CNTN5: variants seen among roughly 807,000 people sequenced by gnomAD.
CNTN5 encodes contactin-5.
A neutral mutation model predicts 129.1 loss-of-function variants in CNTN5; 77 were observed. The observed-to-expected ratio is 0.60, with a 90% CI of 0.50 to 0.72. The LOEUF (loss-of-function observed/expected upper bound fraction) is 0.72, where lower values mean the gene tolerates loss of function less well. Ranked by LOEUF, CNTN5 falls within the 30% of genes least tolerant of loss-of-function variation. The pLI, the probability that CNTN5 is intolerant of heterozygous loss-of-function variation, is 0.00. For missense variants in CNTN5, 1,478 were observed against 1,328.8 expected (o/e 1.11, Z -1.75); for synonymous variants, 509 against 465.6 (o/e 1.09, Z -1.20).
chr11:100,215,297 C>T (rs1166604640), intron 15 of CNTN5, among the ~76,000 whole-genome samples: 1 of 152,140 alleles, frequency 6.6e-6, no homozygotes, highest in Admixed American at 6.6e-5. Context: ...CTCACTTTTT[C>T]CACATGATAT....
At chr11:99,025,203 A>C (rs10892656) in intron 1 of CNTN5, among the ~76,000 whole-genome samples, 28,909 of 151,872 alleles carry the variant, frequency 0.19, 3,022 homozygotes, top group East Asian at 0.33. Context: ...AAAAGCAAGA[A>C]GCCAATACAT....
intron 1 of CNTN5, among the ~76,000 whole-genome samples, chr11:99,097,402 G>A (rs1232413160): frequency 2.0e-5 from 3 of 151,756 alleles, no homozygotes; most frequent in African/African-American, 7.3e-5. Flanking sequence ...TTTCTCTAGG[G>A]CAGAATATAT....
At chr11:99,977,396 G>T (rs990202892) in intron 8 of CNTN5, among the ~76,000 whole-genome samples, 9 of 152,166 alleles carry the variant, frequency 5.9e-5, no homozygotes, top group Non-Finnish European at 1.2e-4. Flanking sequence ...TGTCTTTACA[G>T]CAATATCTTA....
At chr11:99,449,759 G>A (rs2135185833) in intron 2 of CNTN5, among the ~76,000 whole-genome samples, 2 of 152,212 alleles carry the variant, frequency 1.3e-5, no homozygotes, top group Middle Eastern at 6.8e-3. Flanking sequence ...CTCTTGTGGT[G>A]GCAGCAAAAT....
At chr11:99,600,935 A>G (rs1462424758) in intron 3 of CNTN5, among the ~76,000 whole-genome samples, 1 of 152,190 alleles carries the variant, frequency 6.6e-6, no homozygotes, top group Non-Finnish European at 1.5e-5. Flanking sequence ...CTGAACTTCT[A>G]CTGTATCAAG....
At chr11:99,646,611 G>A (rs1433970120) in intron 3 of CNTN5, among the ~76,000 whole-genome samples, 1 of 152,100 alleles carries the variant, frequency 6.6e-6, no homozygotes, top group Non-Finnish European at 1.5e-5. Context: ...TATGTCCTTA[G>A]AAGGTGTGTC....
chr11:99,892,385 T>C (rs187290171), intron 6 of CNTN5, among the ~76,000 whole-genome samples: 1 of 152,164 alleles, frequency 6.6e-6, no homozygotes, highest in Non-Finnish European at 1.5e-5. Flanking sequence ...GGTGTTTTAG[T>C]CATGAAGTCT....
chr11:99,593,976 G>T (rs186658904), intron 3 of CNTN5, among the ~76,000 whole-genome samples: 2 of 152,290 alleles, frequency 1.3e-5, no homozygotes, highest in East Asian at 1.9e-4. Context: ...TATATACAGA[G>T]ATTGTGGTGT....
intron 13 of CNTN5, among the ~76,000 whole-genome samples, chr11:100,146,719 C>A (rs539769198): frequency 6.6e-6 from 1 of 152,200 alleles, no homozygotes; most frequent in South Asian, 2.1e-4. Context: ...GCATTTTATA[C>A]ACAAGATAAA....
intron 21 of CNTN5, chr11:100,308,780 T>C: frequency 2.1e-5 from 21 of 1,005,204 alleles, no homozygotes; most frequent in Non-Finnish European, 2.5e-5. Context: ...TTTAAAAGTT[T>C]TTGTGTCTTC....
At chr11:99,386,739 C>T (rs536430912) in intron 2 of CNTN5, among the ~76,000 whole-genome samples, 1 of 152,230 alleles carries the variant, frequency 6.6e-6, no homozygotes, top group African/African-American at 2.4e-5. Flanking sequence ...CTGGTTCACA[C>T]ACCTCTGACA....
chr11:99,746,140 A>T (rs969897401), intron 3 of CNTN5, among the ~76,000 whole-genome samples: 6 of 152,354 alleles, frequency 3.9e-5, no homozygotes, highest in African/African-American at 1.4e-4. Context: ...ATACTAAAAA[A>T]ATCCTTGCCC....
rs3220443 is a variant in CNTN5 at position 100,342,152 on chromosome 11, G to GACACACACACACACACAC, written c.3030+961_3030+978dup. On this transcript the variant is annotated intron_variant, in intron 23 of 24. Transcript: ENST00000524871. Reference sequence around the variant, plus strand: ...CCTACTGTAATTAGGATAGATCACAGACACACACACACACACACACACACA... The same window carrying GACACACACACACACACAC: ...CCTACTGTAATTAGGATAGATCACAGACACACACACACACACACACACACACACACACACACACACACA... Among the ~76,000 whole-genome samples the GACACACACACACACACAC allele has an allele frequency of 6.3e-3, 925 of 146,978 alleles. 9 individuals carry two copies. The highest frequency in any genetic ancestry group is 0.022 in the African/African-American group (870 of 39,638).
At chr11:99,496,816 T>C (rs994959982) in intron 2 of CNTN5, among the ~76,000 whole-genome samples, 1 of 152,210 alleles carries the variant, frequency 6.6e-6, no homozygotes, top group African/African-American at 2.4e-5. Flanking sequence ...CATAAATAAC[T>C]ATGGATTTTC....
chr11:100,073,118 C>T (rs944097920), intron 12 of CNTN5, among the ~76,000 whole-genome samples: 3 of 151,596 alleles, frequency 2.0e-5, no homozygotes, highest in African/African-American at 7.3e-5. Context: ...GCCATCTCTG[C>T]TCACTGCAAC....
In CNTN5 at chr11:100,222,714, C is replaced by T. The variant is rs1029179950; in HGVS notation, c.1885-1978C>T. Among the ~76,000 whole-genome samples the T allele has an allele frequency of 9.9e-5, 15 of 151,952 alleles. No homozygotes were observed. The East Asian group carries it at 2.7e-3, about 28-fold the overall frequency. ...AAAAGGCACTATCTTTCAGACAGTG[C>T]TATTTCCAGGAAAAAAAATCAAATC... On this transcript the variant is annotated intron_variant, in intron 15 of 24. Transcript: ENST00000524871.
intron 6 of CNTN5, among the ~76,000 whole-genome samples, chr11:99,905,871 T>C (rs750348580): frequency 2.6e-5 from 4 of 152,110 alleles, no homozygotes; most frequent in Non-Finnish European, 5.9e-5. Flanking sequence ...TTGTGAGATA[T>C]GTTCCTAGGT....
chr11:100,144,552 T>C (rs1946791882), intron 13 of CNTN5, among the ~76,000 whole-genome samples: 1 of 152,186 alleles, frequency 6.6e-6, no homozygotes, highest in South Asian at 2.1e-4. Flanking sequence ...GCATTCAATA[T>C]ATGCATTTGC....
chr11:99,547,161 A>T (rs950690736), intron 2 of CNTN5, among the ~76,000 whole-genome samples: 17 of 151,266 alleles, frequency 1.1e-4, no homozygotes, highest in Non-Finnish European at 1.8e-4. Context: ...GCACCACCAC[A>T]CCCGGCTAAT....
Sources: gnomAD v4.1 joint callset for allele counts (sites outside exome capture counted in the v4.1 genomes callset) on GRCh38, gnomAD v4.1.1 for gene constraint, MANE v1.5 for transcripts, NCBI Gene and HGNC (gene_info 2026-07-23, HGNC 2026-07-21) for gene names.